The following CSMD1 variants were observed in gnomAD, a reference collection of about 807,000 sequenced individuals.
CSMD1 encodes CUB and Sushi multiple domains 1.
CSMD1 carries 213 observed loss-of-function variants against 417.5 expected under a neutral mutation model. The ratio of observed to expected loss-of-function variants is 0.51; its 90% CI spans 0.46 to 0.57. CSMD1 has a LOEUF of 0.57. Among genes scored for constraint, CSMD1 ranks in the 20% least tolerant of loss-of-function variants. The pLI is 0.00. For synonymous variants in CSMD1, 2,862 were observed against 1,736.8 expected, an observed-to-expected ratio of 1.65 and a Z score of -16.11; for missense variants, 6,923 against 4,529.7, an observed-to-expected ratio of 1.53 and a Z score of -15.17.
intron 11 of CSMD1, 40 bp downstream of exon 11, chr8:3,493,583 T>C (rs770888083): frequency 1.3e-6 from 2 of 1,534,386 alleles, no homozygotes; most frequent in Admixed American, 1.9e-5. Flanking sequence ...TGCCCCGCAC[T>C]GCATGCATAA....
chr8:4,952,687 G>A (rs1236616208), intron 1 of CSMD1, among the ~76,000 whole-genome samples: 2 of 151,938 alleles, frequency 1.3e-5, no homozygotes, highest in East Asian at 3.9e-4. Flanking sequence ...AGCAAAACAT[G>A]GAATACATTA....
intron 1 of CSMD1, among the ~76,000 whole-genome samples, chr8:4,716,491 C>T (rs775157138): frequency 6.6e-6 from 1 of 152,112 alleles, no homozygotes; most frequent in Non-Finnish European, 1.5e-5. Context: ...TTAAAGTATT[C>T]ATAATACTTC....
At chr8:4,078,427 G>C (rs1259093204) in intron 3 of CSMD1, among the ~76,000 whole-genome samples, 1 of 148,056 alleles carries the variant, frequency 6.8e-6, no homozygotes, top group African/African-American at 2.5e-5. Context: ...CCATTCTCCT[G>C]CCTCAGCCTC....
At chr8:4,122,858 G>C (rs1401628923) in intron 3 of CSMD1, among the ~76,000 whole-genome samples, 1 of 152,058 alleles carries the variant, frequency 6.6e-6, no homozygotes, top group Non-Finnish European at 1.5e-5. Context: ...CAGAAACTTG[G>C]TCCACATAAA....
intron 3 of CSMD1, among the ~76,000 whole-genome samples, chr8:4,148,064 C>G (rs1796361249): frequency 6.6e-6 from 1 of 152,032 alleles, no homozygotes; most frequent in South Asian, 2.1e-4. Flanking sequence ...AATATACAAG[C>G]AGGAGGAAGA....
chr8:3,294,646 G>A (rs1195875866), intron 25 of CSMD1, among the ~76,000 whole-genome samples: 2 of 152,192 alleles, frequency 1.3e-5, no homozygotes, highest in African/African-American at 2.4e-5. Context: ...CTCCTGGTGT[G>A]CCGTTTGCTA....
chr8:3,375,160 A>G (rs979639011), intron 18 of CSMD1: 3 of 152,174 alleles, frequency 2.0e-5, no homozygotes, highest in Admixed American at 2.0e-4. Context: ...AACTGTGTTG[A>G]ACTTCCAACT....
rs772494874 is a variant in CSMD1 at position 3,087,273 on chromosome 8, C to G, written c.7298G>C (p.Ser2433Thr). 4 of 1,613,790 alleles carry G rather than the reference C, an allele frequency of 2.5e-6. No homozygotes were observed. Among genetic ancestry groups the G allele is most frequent in the Non-Finnish European group, 1.7e-6 (2 of 1,179,832 alleles). ...FKIRYAAPYC[S>T]LTHPLKNGGI... ...CCCATTCTTCAGGGGGTGGGTCAAA[C>G]TGCAGTAAGGTGCTGTGGGCAGACA... Residue 2433 changes from serine to threonine, a missense_variant, in exon 49 of 70, where the codon AGT (serine) becomes ACT (threonine). Ser to Thr is a moderately conservative substitution (Grantham distance 58). Transcript: ENST00000635120.
intron 3 of CSMD1, among the ~76,000 whole-genome samples, chr8:4,121,124 A>T (rs894930649): frequency 1.3e-5 from 2 of 150,878 alleles, no homozygotes; most frequent in African/African-American, 4.9e-5. Context: ...TTTATTTATT[A>T]TTTATTTTTG....
intron 5 of CSMD1, among the ~76,000 whole-genome samples, chr8:3,983,937 CAACTCT>C: frequency 6.6e-6 from 1 of 152,200 alleles, no homozygotes; most frequent in African/African-American, 2.4e-5. Context: ...CTGTCAATTG[CAACTCT>C]AGAGCACATT....
chr8:4,741,545 T>G (rs533052001), intron 1 of CSMD1, among the ~76,000 whole-genome samples: 66 of 152,316 alleles, frequency 4.3e-4, no homozygotes, highest in African/African-American at 8.7e-4. Flanking sequence ...TTTTGAATAA[T>G]AAGAAGAATG....
At chr8:3,541,539 TA>T (rs939218386) in intron 10 of CSMD1, among the ~76,000 whole-genome samples, 27 of 149,854 alleles carry the variant, frequency 1.8e-4, no homozygotes, top group African/African-American at 6.6e-4. Context: ...AAATAAAAAT[TA>T]AAAAAATATG....
chr8:4,509,847 A>G (rs1378933456), intron 2 of CSMD1, among the ~76,000 whole-genome samples: 1 of 152,176 alleles, frequency 6.6e-6, no homozygotes, highest in East Asian at 1.9e-4. Flanking sequence ...CCCAAGATTC[A>G]CAGCTGGTGC....
chr8:4,324,388 G>A (rs760754394), intron 3 of CSMD1, among the ~76,000 whole-genome samples: 13 of 152,324 alleles, frequency 8.5e-5, no homozygotes, highest in African/African-American at 3.1e-4. Flanking sequence ...AGGTGGGGCA[G>A]GAGCAAGGAG....
intron 10 of CSMD1, among the ~76,000 whole-genome samples, chr8:3,562,154 T>C (rs1447581657): frequency 6.6e-6 from 1 of 151,686 alleles, no homozygotes; most frequent in Admixed American, 6.6e-5. Context: ...AAAAATCCAC[T>C]GTAAATAATA....
intron 1 of CSMD1, among the ~76,000 whole-genome samples, chr8:4,847,659 T>G (rs1801219291): frequency 6.6e-6 from 1 of 152,154 alleles, no homozygotes; most frequent in Admixed American, 6.5e-5. Context: ...TAGACATGGT[T>G]TCTCCTTAAG....
chr8:4,524,817 A>T (rs1432972765), intron 2 of CSMD1, among the ~76,000 whole-genome samples: 2 of 151,980 alleles, frequency 1.3e-5, no homozygotes, highest in African/African-American at 4.8e-5. Flanking sequence ...AAAATTGTGC[A>T]TTTTTTTATT....
At chr8:3,785,761 G>A (rs757762635) in intron 5 of CSMD1, among the ~76,000 whole-genome samples, 8 of 152,130 alleles carry the variant, frequency 5.3e-5, no homozygotes, top group African/African-American at 1.7e-4. Context: ...GAAGCCTATG[G>A]TGCCCCAGGA....
At chr8:3,607,851 T>C (rs1437097408) in intron 8 of CSMD1, among the ~76,000 whole-genome samples, 1 of 152,158 alleles carries the variant, frequency 6.6e-6, no homozygotes, top group African/African-American at 2.4e-5. Context: ...AAGGAGATGA[T>C]ACTTGAGGAA....
Sources: gnomAD v4.1 joint callset for allele counts (sites outside exome capture counted in the v4.1 genomes callset) on GRCh38, gnomAD v4.1.1 for gene constraint, MANE v1.5 for transcripts, NCBI Gene and HGNC (gene_info 2026-07-23, HGNC 2026-07-21) for gene names.